Variants in MIR2052HG observed in about 807,000 individuals in gnomAD.
MIR2052HG encodes MIR2052 host gene.
intron 4 of MIR2052HG, among the ~76,000 whole-genome samples, chr8:74,747,321 T>C (rs1458822745): frequency 2.0e-5 from 3 of 152,172 alleles, no homozygotes; most frequent in Non-Finnish European, 4.4e-5. Context: ...TGGCACATGG[T>C]ACCCATTTTA....
At chr8:74,600,895 G>A (rs1807991136) in intron 1 of MIR2052HG, among the ~76,000 whole-genome samples, 1 of 152,122 alleles carries the variant, frequency 6.6e-6, no homozygotes, top group Non-Finnish European at 1.5e-5. Context: ...TAATAATGCT[G>A]TGACGTATAG....
chr8:74,735,744 C>A (rs1044417351), intron 4 of MIR2052HG, among the ~76,000 whole-genome samples: 2 of 152,130 alleles, frequency 1.3e-5, no homozygotes, highest in African/African-American at 4.8e-5. Context: ...CTTTCAAATT[C>A]TGGGAACTTA....
intron 2 of MIR2052HG, among the ~76,000 whole-genome samples, chr8:74,630,958 G>A (rs976292056): frequency 2.9e-4 from 44 of 152,330 alleles, no homozygotes; most frequent in African/African-American, 9.6e-4. Context: ...TGAGTGGCAT[G>A]TGCTCTCATC....
intron 4 of MIR2052HG, among the ~76,000 whole-genome samples, chr8:74,726,854 A>G (rs1477346830): frequency 6.6e-6 from 1 of 152,212 alleles, no homozygotes; most frequent in African/African-American, 2.4e-5. Flanking sequence ...TATAGCACTA[A>G]GTGACTGTTC....
intron 2 of MIR2052HG, among the ~76,000 whole-genome samples, chr8:74,627,536 A>AT (rs1808452583): frequency 6.6e-6 from 1 of 152,194 alleles, no homozygotes; most frequent in African/African-American, 2.4e-5. Context: ...TTTGGTTTAG[A>AT]TTTTTTAAGG....
chr8:74,644,364 T>G (rs1001220003), intron 2 of MIR2052HG, among the ~76,000 whole-genome samples: 4 of 152,216 alleles, frequency 2.6e-5, no homozygotes, highest in African/African-American at 9.6e-5. Context: ...GCCTACAGTA[T>G]TAGTATAGTA....
intron 4 of MIR2052HG, among the ~76,000 whole-genome samples, chr8:74,724,222 G>A (rs1809610725): frequency 6.6e-6 from 1 of 151,970 alleles, no homozygotes; most frequent in Admixed American, 6.5e-5. Context: ...ACATGATTTA[G>A]CAATAGTATT....
Position 74,708,291 on chromosome 8 carries a change from G to A in MIR2052HG, n.371+4609G>A, listed in dbSNP as rs558449624. Reference sequence around the variant, plus strand: ...CATCTTACAAGAATGACTAATTTTAGTTGTATCACAAGGAAGCATTTTGTT... The same window carrying A: ...CATCTTACAAGAATGACTAATTTTAATTGTATCACAAGGAAGCATTTTGTT... On this transcript the variant is annotated intron_variant and non_coding_transcript_variant, in intron 4 of 6. Transcript: ENST00000523442. Among the ~76,000 whole-genome samples the A allele has an allele frequency of 5.9e-5, 9 of 152,208 alleles. 1 individual carries two copies. The South Asian group carries it at 1.7e-3, about 28-fold the overall frequency.
intron 4 of MIR2052HG, among the ~76,000 whole-genome samples, chr8:74,742,090 C>A (rs181126312): frequency 6.6e-6 from 1 of 152,250 alleles, no homozygotes. Flanking sequence ...GGGTGAGGAT[C>A]ACTGTACGTA....
intron 4 of MIR2052HG, among the ~76,000 whole-genome samples, chr8:74,733,455 C>T (rs1208396234): frequency 1.3e-5 from 2 of 151,538 alleles, no homozygotes; most frequent in African/African-American, 4.9e-5. Flanking sequence ...TGTATATGTG[C>T]CACATTTTCT....
intron 5 of MIR2052HG, among the ~76,000 whole-genome samples, chr8:74,756,013 C>T (rs1428968343): frequency 6.6e-6 from 1 of 152,148 alleles, no homozygotes; most frequent in Admixed American, 6.5e-5. Context: ...CAGACACCAG[C>T]AGCACTGAGG....
At chr8:74,718,124 T>G (rs1010489010) in intron 4 of MIR2052HG, among the ~76,000 whole-genome samples, 1 of 152,210 alleles carries the variant, frequency 6.6e-6, no homozygotes. Flanking sequence ...GGTTTTGAAT[T>G]TATTGGAATT....
At chr8:74,659,390 A>C (rs1563525137) in intron 2 of MIR2052HG, among the ~76,000 whole-genome samples, 1 of 152,214 alleles carries the variant, frequency 6.6e-6, no homozygotes, top group Non-Finnish European at 1.5e-5. Flanking sequence ...AGTTGAAACA[A>C]AACTTTTCTA....
intron 2 of MIR2052HG, among the ~76,000 whole-genome samples, chr8:74,697,616 A>G (rs1255294309): frequency 6.6e-6 from 1 of 152,188 alleles, no homozygotes; most frequent in East Asian, 1.9e-4. Flanking sequence ...CTGATAAATG[A>G]ATTCAGTAAA....
chr8:74,678,222 A>G (rs935581784), intron 2 of MIR2052HG, among the ~76,000 whole-genome samples: 2 of 152,184 alleles, frequency 1.3e-5, no homozygotes, highest in African/African-American at 4.8e-5. Flanking sequence ...TAAGTATTCA[A>G]TTAAGATACA....
At chr8:74,647,026 G>A (rs1808695698) in intron 2 of MIR2052HG, among the ~76,000 whole-genome samples, 1 of 151,898 alleles carries the variant, frequency 6.6e-6, no homozygotes, top group African/African-American at 2.4e-5. Context: ...CAGCTATTTG[G>A]GCCAGTACCC....
intron 2 of MIR2052HG, among the ~76,000 whole-genome samples, chr8:74,685,768 G>T (rs115855013): frequency 1.3e-5 from 2 of 152,018 alleles, no homozygotes; most frequent in Non-Finnish European, 2.9e-5. Flanking sequence ...AAGACTGAGT[G>T]TACAGGATGT....
At chr8:74,651,851 CA>C (rs1563523297) in intron 2 of MIR2052HG, among the ~76,000 whole-genome samples, 2 of 152,148 alleles carry the variant, frequency 1.3e-5, no homozygotes, top group African/African-American at 4.8e-5. Context: ...TATGTGAAAT[CA>C]AAGTGTGGAC....
intron 2 of MIR2052HG, among the ~76,000 whole-genome samples, chr8:74,688,233 T>C (rs939251297): frequency 1.3e-5 from 2 of 152,184 alleles, no homozygotes; most frequent in African/African-American, 4.8e-5. Context: ...ATTAAAATGG[T>C]TTAAATTGCT....
Sources: gnomAD v4.1 joint callset for allele counts (sites outside exome capture counted in the v4.1 genomes callset) on GRCh38, gnomAD v4.1.1 for gene constraint, MANE v1.5 for transcripts, NCBI Gene and HGNC (gene_info 2026-07-23, HGNC 2026-07-21) for gene names.